Variants in RNF220 observed in about 807,000 individuals in gnomAD.
RNF220 encodes the protein ring finger protein 220.
Under a neutral mutation model 67.1 loss-of-function variants are expected in RNF220, and 7 were observed. The ratio of observed to expected loss-of-function variants is 0.10; its 90% confidence interval spans 0.06 to 0.20. The LOEUF (loss-of-function observed/expected upper bound fraction) is 0.20. Among genes scored for constraint, RNF220 ranks in the 10% least tolerant of loss-of-function variants. The pLI, the probability that RNF220 is intolerant of heterozygous loss-of-function variation, is 1.00. For synonymous variants in RNF220, 270 were observed against 283.2 expected (o/e 0.95, Z 0.47); for missense variants, 565 against 740.3 (o/e 0.76, Z 2.75).
intron 8 of RNF220, among the ~76,000 whole-genome samples, chr1:44,641,311 T>G (rs1644483238): frequency 6.6e-6 from 1 of 152,214 alleles, no homozygotes; most frequent in African/African-American, 2.4e-5. Flanking sequence ...TATGCCACTT[T>G]AAGCTGGGGC....
At chr1:44,504,647 C>T (rs1201206351) in intron 2 of RNF220, among the ~76,000 whole-genome samples, 1 of 152,134 alleles carries the variant, frequency 6.6e-6, no homozygotes, top group Non-Finnish European at 1.5e-5. Flanking sequence ...GCAAAGTCCC[C>T]TCTTCCATAT....
chr1:44,438,055 GTATA>G (rs1329517713), intron 2 of RNF220, among the ~76,000 whole-genome samples: 2 of 152,164 alleles, frequency 1.3e-5, no homozygotes, highest in Non-Finnish European at 2.9e-5. Flanking sequence ...TTGCAATCGT[GTATA>G]CAAAGGATCA....
chr1:44,614,458 C>T (rs573391109), intron 3 of RNF220, among the ~76,000 whole-genome samples, 161 bp downstream of exon 3: 13 of 152,316 alleles, frequency 8.5e-5, no homozygotes, highest in African/African-American at 2.9e-4. Context: ...CAGATCTTTC[C>T]GCTGAATGGA....
chr1:44,456,067 A>T (rs1653142059), intron 2 of RNF220, among the ~76,000 whole-genome samples: 1 of 152,182 alleles, frequency 6.6e-6, no homozygotes, highest in Non-Finnish European at 1.5e-5. Context: ...TAGAATAAGG[A>T]TTCTCTTAAT....
intron 1 of RNF220, chr1:44,408,983 TTC>T (rs1647689292): frequency 1.3e-5 from 2 of 152,382 alleles, no homozygotes; most frequent in South Asian, 4.1e-4. Context: ...CTTTCGGTTT[TTC>T]TGTGCGAAAG....
chr1:44,450,514 CATTTATGTAT>C (rs1652560547), intron 2 of RNF220, among the ~76,000 whole-genome samples: 1 of 152,184 alleles, frequency 6.6e-6, no homozygotes, highest in Admixed American at 6.5e-5. Flanking sequence ...TACATGTATA[CATTTATGTAT>C]ATTTATGTAG....
intron 2 of RNF220, among the ~76,000 whole-genome samples, chr1:44,458,359 TATC>T (rs1653415348): frequency 4.0e-5 from 6 of 150,396 alleles, no homozygotes; most frequent in African/African-American, 1.5e-4. Context: ...TTTTTACTAA[TATC>T]ATAATGGTTA....
chr1:44,497,244 T>C (rs1657419413), intron 2 of RNF220, among the ~76,000 whole-genome samples: 2 of 151,974 alleles, frequency 1.3e-5, no homozygotes, highest in Non-Finnish European at 2.9e-5. Context: ...GTCTCATCCT[T>C]TCCAGTTGTG....
chr1:44,486,687 C>T (rs761906890), intron 2 of RNF220, among the ~76,000 whole-genome samples: 12 of 152,124 alleles, frequency 7.9e-5, no homozygotes, highest in Non-Finnish European at 1.6e-4. Context: ...GTCTGTTGAA[C>T]GGTAAAGCCC....
At chr1:44,486,736 T>C (rs1656342638) in intron 2 of RNF220, among the ~76,000 whole-genome samples, 1 of 152,178 alleles carries the variant, frequency 6.6e-6, no homozygotes, top group South Asian at 2.1e-4. Flanking sequence ...AAGAGTGGGC[T>C]GGGAAGCTTG....
intron 2 of RNF220, among the ~76,000 whole-genome samples, chr1:44,537,668 A>G (rs1661340181): frequency 6.6e-6 from 1 of 152,112 alleles, no homozygotes; most frequent in African/African-American, 2.4e-5. Flanking sequence ...GCATTTCTCA[A>G]ATTCTTTCCC....
chr1:44,431,150 G>A (rs72893857), intron 2 of RNF220, among the ~76,000 whole-genome samples: 5,220 of 152,174 alleles, frequency 0.034, 326 homozygotes, highest in African/African-American at 0.12. Context: ...CAGTTTTACC[G>A]TCCAAAAAGC....
At chr1:44,563,415 C>T (rs1572892274) in intron 2 of RNF220, among the ~76,000 whole-genome samples, 1 of 152,308 alleles carries the variant, frequency 6.6e-6, no homozygotes, top group East Asian at 1.9e-4. Context: ...GGCCCCGCTT[C>T]CCTCCCTTGG....
intron 2 of RNF220, among the ~76,000 whole-genome samples, chr1:44,512,940 CAA>C (rs1659141044): frequency 6.6e-6 from 1 of 152,140 alleles, no homozygotes; most frequent in Non-Finnish European, 1.5e-5. Flanking sequence ...CCGGCTGAGC[CAA>C]GGGAGGGACC....
chr1:44,439,496 G>T (rs1250738824), intron 2 of RNF220, among the ~76,000 whole-genome samples: 1 of 151,098 alleles, frequency 6.6e-6, no homozygotes, highest in East Asian at 1.9e-4. Context: ...TGGTACTTTA[G>T]GGTGGTGGAG....
At chr1:44,537,475 A>G (rs1402445447) in intron 2 of RNF220, among the ~76,000 whole-genome samples, 1 of 152,184 alleles carries the variant, frequency 6.6e-6, no homozygotes, top group Non-Finnish European at 1.5e-5. Context: ...ATAACATTTT[A>G]TATTCCATTT....
In RNF220 at chr1:44,534,517, T is replaced by A. The variant is rs116485451; in HGVS notation, c.626-79648T>A. 3.2e-3 allele frequency among the ~76,000 whole-genome samples: 491 copies of A among 152,290 alleles called. 2 individuals carry two copies. Among genetic ancestry groups the A allele is most frequent in the Non-Finnish European group, 5.0e-3 (338 of 68,028 alleles). ...TTAGTCAATTCAAATTACGATTGCA[T>A]CTAAATACCAAATATCACTTCTTCA... On this transcript the variant is annotated intron_variant, in intron 2 of 14. Transcript: ENST00000361799.
At chr1:44,564,610 G>T (rs796768018) in intron 2 of RNF220, among the ~76,000 whole-genome samples, 1 of 151,910 alleles carries the variant, frequency 6.6e-6, no homozygotes, top group Non-Finnish European at 1.5e-5. Flanking sequence ...CAAAAATTAC[G>T]CAGGCAGTGG....
At chr1:44,639,986 C>T (rs1644440452) in intron 8 of RNF220, among the ~76,000 whole-genome samples, 1 of 152,180 alleles carries the variant, frequency 6.6e-6, no homozygotes, top group Non-Finnish European at 1.5e-5. Flanking sequence ...GACGGGGTTT[C>T]ACCATGTTGG....
Sources: gnomAD v4.1 joint callset for allele counts (sites outside exome capture counted in the v4.1 genomes callset) on GRCh38, gnomAD v4.1.1 for gene constraint, MANE v1.5 for transcripts, NCBI Gene and HGNC (gene_info 2026-07-23, HGNC 2026-07-21) for gene names.